DUSP23: variants seen among roughly 807,000 people sequenced by gnomAD.
DUSP23 encodes the protein dual specificity phosphatase 23.
A neutral mutation model predicts 13.3 loss-of-function variants in DUSP23; 10 were observed. The observed-to-expected ratio is 0.75, with a 90% CI of 0.46 to 1.27. DUSP23 has a LOEUF of 1.27. Among genes scored for constraint, DUSP23 ranks in the 50% most tolerant of loss-of-function variants. DUSP23 has a pLI of 0.00. For synonymous variants in DUSP23, 107 were observed against 95.3 expected (o/e 1.12, Z -0.72); for missense variants, 228 against 204.8 (o/e 1.11, Z -0.69).
intron 1 of DUSP23, among the ~76,000 whole-genome samples, chr1:159,781,719 A>T (rs1160583648): frequency 6.6e-6 from 1 of 152,216 alleles, no homozygotes; most frequent in Non-Finnish European, 1.5e-5. Flanking sequence ...ATGGAACCTA[A>T]GTGGCTCCAT....
chr1:159,781,329 T>G lies in DUSP23; in HGVS notation c.229T>G (p.Phe77Val). The G allele has an allele frequency of 6.5e-7, 1 of 1,542,092 alleles. No individual in the cohort carries two copies. Among genetic ancestry groups the G allele is most frequent in the Non-Finnish European group, 8.7e-7 (1 of 1,142,906 alleles). Residue 77 changes from phenylalanine (F) to valine (V), a missense_variant, in exon 1 of 2, where the codon TTC becomes GTC. Coordinates refer to ENST00000368107, the MANE Select transcript of DUSP23 (RefSeq NM_001319658.2). Reference protein sequence around the residue: ...CPPAPDQIDRFVQIVDEANAR... With the variant: ...CPPAPDQIDRVVQIVDEANAR... ...GCCGGCCCCCGACCAGATCGACCGCTTCGTGCAGATCGTGGACGAGGCCAA... is the reference window on the plus strand; with the variant it reads ...GCCGGCCCCCGACCAGATCGACCGCGTCGTGCAGATCGTGGACGAGGCCAA...
intron 1 of DUSP23, 105 bp from the exon 2 acceptor site, chr1:159,782,048 T>C: frequency 7.3e-7 from 1 of 1,371,810 alleles, no homozygotes; most frequent in Non-Finnish European, 9.9e-7. Context: ...TGCAGAGCCC[T>C]GGACCTGGCA....
At position 159,781,207 on chromosome 1, in the gene DUSP23, T is replaced by A. The variant is rs1416308866; in HGVS notation, c.107T>A (p.Val36Glu). ...AHYQFLLDLG[V>E]RHLVSLTERG... ...TACCAGTTCCTGTTGGACCTGGGCG[T>A]GCGGCACCTGGTGTCCCTGACGGAG... Residue 36 changes from valine (V) to glutamate (E), a missense_variant, in exon 1 of 2, where the codon GTG (valine) becomes GAG (glutamate). Val to Glu is a moderately radical substitution (Grantham distance 121). Coordinates refer to ENST00000368107, the MANE Select transcript of DUSP23 (RefSeq NM_001319658.2). The A allele has an allele frequency of 1.9e-6, 3 of 1,549,448 alleles. No individual in the cohort carries two copies. The Admixed American group carries it at 5.9e-5, about 30-fold the overall frequency.
In DUSP23 at chr1:159,782,210, T is replaced by TA. The variant is rs1355145390; in HGVS notation, c.326dup (p.Tyr109Ter). ...CCGCACTGGCACCATGCTGGCCTGT[T>TA]ACCTGGTGAAGGAGCGGGGCTTGGC... ...FGRTGTMLACYLVKERGLAAG... is the reference protein window; with the variant it reads ...FGRTGTMLAC Residue 109 changes from tyrosine to a stop codon, truncating the protein, a stop_gained and frameshift_variant, in exon 2 of 2, where the codon TAC becomes TAAC. Transcript: ENST00000368107. LOFTEE classifies it high-confidence loss of function. The TA allele has an allele frequency of 6.2e-7, 1 of 1,614,194 alleles. No individual in the cohort carries two copies. The highest frequency in any genetic ancestry group is 1.7e-5 in the Admixed American group (1 of 60,018).
Position 159,781,206 on chromosome 1 carries a change from G to C in DUSP23, c.106G>C (p.Val36Leu), listed in dbSNP as rs1188903977. 6.5e-7 allele frequency: 1 copy of C among 1,549,464 alleles called. No individual in the cohort carries two copies. The highest frequency in any genetic ancestry group is 8.7e-7 in the Non-Finnish European group (1 of 1,146,488). Reference protein sequence around the residue: ...AHYQFLLDLGVRHLVSLTERG... With the variant: ...AHYQFLLDLGLRHLVSLTERG... ...CTACCAGTTCCTGTTGGACCTGGGC[G>C]TGCGGCACCTGGTGTCCCTGACGGA... Residue 36 changes from valine to leucine, a missense_variant, in exon 1 of 2, where the codon GTG (valine) becomes CTG (leucine). By Grantham distance (32) the Val-to-Leu change is conservative. Transcript: ENST00000368107.
intron 1 of DUSP23, 139 bp from the exon 2 acceptor site, chr1:159,782,014 A>G: frequency 1.1e-6 from 1 of 929,434 alleles, no homozygotes; most frequent in Non-Finnish European, 1.6e-6. Flanking sequence ...CACCTAGTGC[A>G]GGGACAGCCC....
intron 1 of DUSP23, 95 bp downstream of exon 1, chr1:159,781,462 CTG>C: frequency 7.2e-7 from 1 of 1,396,770 alleles, no homozygotes; most frequent in South Asian, 1.5e-5. Context: ...GATAACTTAA[CTG>C]GGCTCGGGGA....
chr1:159,782,068 G>A, intron 1 of DUSP23, 85 bp from the exon 2 acceptor site: 1 of 1,489,184 alleles, frequency 6.7e-7, no homozygotes, highest in Non-Finnish European at 9.1e-7. Flanking sequence ...ACAGAAGAAG[G>A]AGCTGTGGGG....
chr1:159,781,300 G>C lies in DUSP23; in HGVS notation c.200G>C (p.Cys67Ser). 1 of 1,546,618 alleles carries C rather than the reference G, an allele frequency of 6.5e-7. No individual in the cohort carries two copies. The highest frequency in any genetic ancestry group is 1.4e-5 in the African/African-American group (1 of 72,888). The change falls in exon 1 of 2, where the codon TGC becomes TCC. Residue 67 changes from cysteine (C) to serine (S), a missense_variant. By Grantham distance (112) the Cys-to-Ser change is moderately radical (BLOSUM62 -1). Coordinates refer to ENST00000368107, the MANE Select transcript of DUSP23 (RefSeq NM_001319658.2). ...CACCGCCTGCGCATCCCCGACTTCTGCCCGCCGGCCCCCGACCAGATCGAC... is the reference window on the plus strand; with the variant it reads ...CACCGCCTGCGCATCCCCGACTTCTCCCCGCCGGCCCCCGACCAGATCGAC... ...TLHRLRIPDF[C>S]PPAPDQIDRF...
At position 159,781,159 on chromosome 1, in the gene DUSP23, C is replaced by A; in HGVS notation, c.59C>A (p.Ala20Glu). ...WVLPGRLAGLALPRLPAHYQF... is the reference protein window; with the variant it reads ...WVLPGRLAGLELPRLPAHYQF... The stretch of plus-strand genomic sequence containing the variant: ...CTTCCGGGCCGGCTGGCGGGACTGG[C>A]GCTGCCGCGGCTCCCCGCCCACTAC... The change falls in exon 1 of 2, where the codon GCG becomes GAG. Residue 20 changes from alanine to glutamate, a missense_variant. Physicochemically the swap from Ala to Glu is moderately radical, Grantham distance 107. Transcript: ENST00000368107. 1 of 1,548,842 alleles carries A rather than the reference C, an allele frequency of 6.5e-7. No individual in the cohort carries two copies. Among genetic ancestry groups the A allele is most frequent in the Non-Finnish European group, 8.7e-7 (1 of 1,146,546 alleles).
chr1:159,782,298 A>G lies in DUSP23; in HGVS notation c.413A>G (p.Gln138Arg), dbSNP rs774236038. 1.9e-5 allele frequency: 30 copies of G among 1,613,812 alleles called. No individual in the cohort carries two copies. Among genetic ancestry groups the G allele is most frequent in the Non-Finnish European group, 2.5e-5 (29 of 1,179,982 alleles). ...CCCGGCTCCATCGAGACCTATGAGC[A>G]GGAGAAAGCAGTCTTCCAGTTCTAC... ...LRPGSIETYE[Q>R]EKAVFQFYQR... The change falls in exon 2 of 2, where the codon CAG (glutamine) becomes CGG (arginine). Residue 138 changes from glutamine to arginine, a missense_variant. Physicochemically the swap from Gln to Arg is conservative, Grantham distance 43. Transcript: ENST00000368107.
Position 159,781,139 on chromosome 1 carries a change from G to T in DUSP23, c.39G>T (p.Pro13=). 1.3e-6 allele frequency: 2 copies of T among 1,548,754 alleles called. No individual in the cohort carries two copies. Among genetic ancestry groups the T allele is most frequent in the Non-Finnish European group, 1.7e-6 (2 of 1,146,550 alleles). ...VQPPNFSWVL[P]GRLAGLALPR... ...CCCCCAACTTCTCCTGGGTGCTTCC[G>T]GGCCGGCTGGCGGGACTGGCGCTGC... Residue 13 remains proline, a synonymous_variant, in exon 1 of 2, where the codon CCG becomes CCT. Coordinates refer to ENST00000368107, the MANE Select transcript of DUSP23 (RefSeq NM_001319658.2).
rs1661856467 is a variant in DUSP23, at chr1:159,781,209, C to A, written c.109C>A (p.Arg37=). The change falls in exon 1 of 2, where the codon CGG becomes AGG. Residue 37 remains arginine, a synonymous_variant. Coordinates refer to ENST00000368107, the MANE Select transcript of DUSP23 (RefSeq NM_001319658.2). The stretch of plus-strand genomic sequence containing the variant: ...CCAGTTCCTGTTGGACCTGGGCGTG[C>A]GGCACCTGGTGTCCCTGACGGAGCG... ...HYQFLLDLGV[R]HLVSLTERGP... The A allele has an allele frequency of 1.3e-6, 2 of 1,549,392 alleles. No individual in the cohort carries two copies. The highest frequency in any genetic ancestry group is 1.2e-5 in the South Asian group (1 of 83,970).
intron 1 of DUSP23, among the ~76,000 whole-genome samples, chr1:159,781,755 C>T (rs547098419): frequency 6.6e-5 from 10 of 152,298 alleles, no homozygotes; most frequent in African/African-American, 2.4e-4. Context: ...CTAGCAACGG[C>T]ATTCTTAAAA....
intron 1 of DUSP23, 36 bp from the exon 2 acceptor site, chr1:159,782,117 G>A: frequency 2.5e-6 from 4 of 1,606,544 alleles, no homozygotes; most frequent in Non-Finnish European, 3.4e-6. Flanking sequence ...GTGGGTGGGG[G>A]AGTTGAGTGG....
At chr1:159,782,006 C>T (rs1661886582) in intron 1 of DUSP23, 147 bp from the exon 2 acceptor site, 2 of 850,602 alleles carry the variant, frequency 2.4e-6, no homozygotes, top group South Asian at 1.7e-5. Context: ...CTCCTAGCCA[C>T]CTAGTGCAGG....
Position 159,780,963 on chromosome 1 carries a change from G to C in DUSP23, c.-138G>C. 1.7e-6 allele frequency: 2 copies of C among 1,171,814 alleles called. No homozygotes were observed. The highest frequency in any genetic ancestry group is 2.3e-6 in the Non-Finnish European group (2 of 871,686). 72.6% of individuals were successfully genotyped at this position (1,171,814 alleles called of 1,614,324 possible). On this transcript the variant is annotated 5_prime_UTR_variant, in exon 1 of 2. Coordinates refer to ENST00000368107, the MANE Select transcript of DUSP23 (RefSeq NM_001319658.2). Reference sequence around the variant, plus strand: ...AGCGACCCGAGGGCGGCGCCCTGCAGACCACGTGGCCCGGGAGGCGCCGAG... The same window carrying C: ...AGCGACCCGAGGGCGGCGCCCTGCACACCACGTGGCCCGGGAGGCGCCGAG...
Position 159,781,298 on chromosome 1 carries a change from C to A in DUSP23, c.198C>A (p.Phe66Leu). Residue 66 changes from phenylalanine to leucine, a missense_variant, in exon 1 of 2, where the codon TTC (phenylalanine) becomes TTA (leucine). By Grantham distance (22) the Phe-to-Leu change is conservative. Coordinates refer to ENST00000368107, the MANE Select transcript of DUSP23 (RefSeq NM_001319658.2). The part of the protein sequence containing the change: ...LTLHRLRIPD[F>L]CPPAPDQIDR... ...TGCACCGCCTGCGCATCCCCGACTTCTGCCCGCCGGCCCCCGACCAGATCG... is the reference window on the plus strand; with the variant it reads ...TGCACCGCCTGCGCATCCCCGACTTATGCCCGCCGGCCCCCGACCAGATCG... The A allele has an allele frequency of 6.5e-7, 1 of 1,547,032 alleles. No homozygotes were observed. The highest frequency in any genetic ancestry group is 1.2e-5 in the South Asian group (1 of 83,778).
rs749398895 is a variant in DUSP23, at chr1:159,782,382, A to G, written c.*44A>G. ...TACCAGGCCCTCACTCCCCTTCCCC[A>G]TGTTGTCGATGGGGCCAGAGATGAA... On this transcript the variant is annotated 3_prime_UTR_variant, in exon 2 of 2. Coordinates refer to ENST00000368107, the MANE Select transcript of DUSP23 (RefSeq NM_001319658.2). 1 of 1,597,758 alleles carries G rather than the reference A, an allele frequency of 6.3e-7. No homozygotes were observed. Among genetic ancestry groups the G allele is most frequent in the Admixed American group, 1.7e-5 (1 of 58,954 alleles).
Sources: gnomAD v4.1 joint callset for allele counts (sites outside exome capture counted in the v4.1 genomes callset) on GRCh38, gnomAD v4.1.1 for gene constraint, MANE v1.5 for transcripts, NCBI Gene and HGNC (gene_info 2026-07-23, HGNC 2026-07-21) for gene names.